RPH3AL: variants seen among roughly 807,000 people sequenced by gnomAD.
RPH3AL encodes rabphilin 3A like (without C2 domains).
RPH3AL carries 38 observed loss-of-function variants against 43.1 expected under a neutral mutation model. That is an observed-to-expected ratio of 0.88 (90% CI 0.68 to 1.15). RPH3AL has a LOEUF of 1.15. RPH3AL is among the 50% of genes most tolerant of loss of function. The pLI is 0.00. For missense variants in RPH3AL, 462 were observed against 423.2 expected, an observed-to-expected ratio of 1.09 and a Z score of -0.81; for synonymous variants, 189 against 176.3, an observed-to-expected ratio of 1.07 and a Z score of -0.57.
chr17:298,345 C>T (rs754296793), intron 5 of RPH3AL, among the ~76,000 whole-genome samples: 12 of 152,176 alleles, frequency 7.9e-5, no homozygotes, highest in Non-Finnish European at 1.6e-4. Flanking sequence ...AAGGTCAGTC[C>T]GTAAAAATAC....
At position 226,022 on chromosome 17, in the gene RPH3AL, C is replaced by T. The variant is rs114807370; in HGVS notation, c.614-6286G>A. 9.7e-3 allele frequency among the ~76,000 whole-genome samples: 1,476 copies of T among 152,312 alleles called. 20 individuals are homozygous for T. The highest frequency in any genetic ancestry group is 0.033 in the African/African-American group (1,367 of 41,560). Reference sequence around the variant, plus strand: ...AACCGTGAACCATGCCGTGCCATGTCGTGAGGACGGCGTTTGTTATGAGTC... The same window carrying T: ...AACCGTGAACCATGCCGTGCCATGTTGTGAGGACGGCGTTTGTTATGAGTC... On this transcript the variant is annotated intron_variant, in intron 7 of 9. Coordinates refer to ENST00000331302, the MANE Select transcript of RPH3AL (RefSeq NM_006987.4).
chr17:251,673 G>T (rs1555542613), intron 6 of RPH3AL, among the ~76,000 whole-genome samples: 1 of 152,234 alleles, frequency 6.6e-6, no homozygotes, highest in Non-Finnish European at 1.5e-5. Flanking sequence ...AGCCACCAAG[G>T]CCACCCCATC....
chr17:219,417 T>G (rs977205090), intron 8 of RPH3AL, among the ~76,000 whole-genome samples: 6 of 151,432 alleles, frequency 4.0e-5, no homozygotes, highest in African/African-American at 1.5e-4. Context: ...CAAGATGGTC[T>G]CAATCTCCTG....
chr17:260,670 G>C (rs1261648072), intron 6 of RPH3AL, among the ~76,000 whole-genome samples: 2 of 152,088 alleles, frequency 1.3e-5, no homozygotes, highest in Admixed American at 6.6e-5. Context: ...TCTGGCAGAG[G>C]AGAGGCAGTA....
chr17:292,295 C>G (rs916204159), intron 5 of RPH3AL, among the ~76,000 whole-genome samples: 2 of 152,232 alleles, frequency 1.3e-5, no homozygotes, highest in South Asian at 2.1e-4. Context: ...AGGCTGGATA[C>G]AGCTCTGTTG....
chr17:314,487 G>A (rs527646090), intron 5 of RPH3AL, among the ~76,000 whole-genome samples: 3 of 135,214 alleles, frequency 2.2e-5, no homozygotes, highest in Admixed American at 7.6e-5. Context: ...CCATTGACCT[G>A]TAGTCCCTAT....
At chr17:220,135 G>A (rs1387035178) in intron 7 of RPH3AL, among the ~76,000 whole-genome samples, 1 of 150,248 alleles carries the variant, frequency 6.7e-6, no homozygotes, top group Non-Finnish European at 1.5e-5. Flanking sequence ...ATAGACCCAA[G>A]AACAACAGCT....
intron 6 of RPH3AL, among the ~76,000 whole-genome samples, chr17:268,942 G>A (rs1044940837): frequency 6.0e-5 from 9 of 151,204 alleles, no homozygotes; most frequent in African/African-American, 1.2e-4. Flanking sequence ...GCAGTGCCGC[G>A]ATCTCGGCTC....
At chr17:240,828 G>A (rs543692759) in intron 7 of RPH3AL, among the ~76,000 whole-genome samples, 3 of 152,292 alleles carry the variant, frequency 2.0e-5, no homozygotes, top group South Asian at 2.1e-4. Context: ...GGGAGGCCAA[G>A]GCGGGAGGAT....
intron 5 of RPH3AL, among the ~76,000 whole-genome samples, chr17:317,294 G>T (rs56260103): frequency 1.4e-5 from 2 of 146,868 alleles, no homozygotes; most frequent in Admixed American, 6.8e-5. Flanking sequence ...TAGTCTCTCT[G>T]TCCCACCTCC....
At chr17:256,322 C>T (rs868962994) in intron 6 of RPH3AL, among the ~76,000 whole-genome samples, 15 of 14,736 alleles carry the variant, frequency 1.0e-3, no homozygotes, top group African/African-American at 1.9e-3. Flanking sequence ...TGAGGGGAGC[C>T]GCACGGCGTC....
intron 5 of RPH3AL, among the ~76,000 whole-genome samples, chr17:282,298 C>T (rs951444857): frequency 1.3e-5 from 2 of 152,212 alleles, no homozygotes; most frequent in Non-Finnish European, 1.5e-5. Flanking sequence ...AACTGGCCTG[C>T]GTGTCCGACA....
chr17:299,295 G>A (rs774038712), intron 5 of RPH3AL, among the ~76,000 whole-genome samples: 1 of 43,402 alleles, frequency 2.3e-5, no homozygotes, highest in Non-Finnish European at 4.9e-5. Context: ...CTGGGCAGAA[G>A]GGTCTCACCC....
chr17:264,118 C>T lies in RPH3AL; in HGVS notation c.439-16833G>A, dbSNP rs1321024429. 2.0e-5 allele frequency among the ~76,000 whole-genome samples: 3 copies of T among 152,198 alleles called. No homozygotes were observed. The highest frequency in any genetic ancestry group is 2.9e-5 in the Non-Finnish European group (2 of 68,044). On this transcript the variant is annotated intron_variant, in intron 6 of 9. Coordinates refer to ENST00000331302, the MANE Select transcript of RPH3AL (RefSeq NM_006987.4). The surrounding 1 kb of genome is among the most constrained non-coding windows in gnomAD (Gnocchi z 4.8). ...CTCTCCAAGAGCCTTGGACCCACACCGATACTGAACAAGCTCAGCAAACGT... is the reference window on the plus strand; with the variant it reads ...CTCTCCAAGAGCCTTGGACCCACACTGATACTGAACAAGCTCAGCAAACGT...
chr17:310,905 C>T (rs2043628491), intron 5 of RPH3AL, among the ~76,000 whole-genome samples: 1 of 152,130 alleles, frequency 6.6e-6, no homozygotes, highest in Non-Finnish European at 1.5e-5. Flanking sequence ...AGGCCACCAC[C>T]CCCTACAGCA....
At chr17:219,799 G>A (rs926654768) in intron 7 of RPH3AL, 63 bp from the exon 8 acceptor site, 164 of 1,242,614 alleles carry the variant, frequency 1.3e-4, no homozygotes, top group Non-Finnish European at 1.7e-4. Context: ...AGGCATGGAC[G>A]GAGGGACGAG....
chr17:277,104 T>C (rs2042673421), intron 6 of RPH3AL, among the ~76,000 whole-genome samples: 1 of 152,196 alleles, frequency 6.6e-6, no homozygotes, highest in African/African-American at 2.4e-5. Flanking sequence ...GAATCTAAAA[T>C]GTAGACAGAG....
chr17:286,057 G>GA (rs891993531), intron 5 of RPH3AL, among the ~76,000 whole-genome samples: 1 of 152,222 alleles, frequency 6.6e-6, no homozygotes, highest in African/African-American at 2.4e-5. Flanking sequence ...TGCTGGGGGG[G>GA]TGCTCGGCTG....
intron 6 of RPH3AL, among the ~76,000 whole-genome samples, chr17:260,619 C>T (rs1395824526): frequency 6.6e-6 from 1 of 152,194 alleles, no homozygotes; most frequent in Non-Finnish European, 1.5e-5. Context: ...TTCTCAATTA[C>T]ACTGCAGCTA....
Sources: allele counts gnomAD v4.1 joint callset (sites outside exome capture counted in the v4.1 genomes callset), GRCh38; gene constraint gnomAD v4.1.1; non-coding constraint Gnocchi (gnomAD v3.1); transcripts MANE v1.5; gene names NCBI Gene and HGNC (gene_info 2026-07-23, HGNC 2026-07-21).